RHOU: variants seen among roughly 807,000 people sequenced by gnomAD.
RHOU encodes the protein rho-related GTP-binding protein RhoU.
RHOU carries 8 observed loss-of-function variants against 12.6 expected under a neutral mutation model. The ratio of observed to expected loss-of-function variants is 0.64; its 90% CI spans 0.37 to 1.15. RHOU has a LOEUF of 1.15. Ranked by LOEUF, RHOU falls within the 50% of genes most tolerant of loss-of-function variation. The probability of loss-of-function intolerance (pLI) is 0.01; values close to 1 mark genes in which losing one functional copy is unlikely to be tolerated. For synonymous variants in RHOU, 161 were observed against 147.4 expected (o/e 1.09, Z -0.67); for missense variants, 258 against 347.0 (o/e 0.74, Z 2.04).
the RHOU span, among the ~76,000 whole-genome samples, chr1:228,711,957 T>C: frequency 7.3e-6 from 1 of 136,624 alleles, no homozygotes; most frequent in African/African-American, 2.8e-5. Context: ...TCAAACAAAT[T>C]TACAAGAAAA....
chr1:228,649,075 G>C, the RHOU span, among the ~76,000 whole-genome samples: 2 of 152,146 alleles, frequency 1.3e-5, no homozygotes, highest in Non-Finnish European at 2.9e-5. Flanking sequence ...ACGTTGGCCA[G>C]TCCTGTCTCA....
the RHOU span, among the ~76,000 whole-genome samples, chr1:228,674,336 T>C: frequency 1.3e-5 from 2 of 151,658 alleles, no homozygotes; most frequent in African/African-American, 4.9e-5. Context: ...TTTTCCTTAG[T>C]GTTTAGTACC....
chr1:228,713,715 G>A, the RHOU span, among the ~76,000 whole-genome samples: 1 of 152,108 alleles, frequency 6.6e-6, no homozygotes, highest in Non-Finnish European at 1.5e-5. Context: ...CCAAGGAGAG[G>A]TCATACGATG....
chr1:228,664,443 TTCTCAGAAACGTATTCTGAGAAAATAA>T, the RHOU span, among the ~76,000 whole-genome samples: 1 of 152,206 alleles, frequency 6.6e-6, no homozygotes, highest in Admixed American at 6.5e-5. Flanking sequence ...TGTACTCATT[TTCTCAGAAACGTATTCTGAGAAAATAA>T]TCTTTATGAA....
At chr1:228,715,662 G>A in the RHOU span, among the ~76,000 whole-genome samples, 10 of 151,988 alleles carry the variant, frequency 6.6e-5, no homozygotes, top group Admixed American at 3.9e-4. Flanking sequence ...AAGATGTACC[G>A]TATTGATTAT....
the RHOU span, among the ~76,000 whole-genome samples, chr1:228,678,739 G>A: frequency 6.6e-6 from 1 of 152,136 alleles, no homozygotes. Flanking sequence ...CTTGCTGAGA[G>A]GTAGTGGAGG....
the RHOU span, among the ~76,000 whole-genome samples, chr1:228,710,887 G>A: frequency 6.6e-6 from 1 of 151,618 alleles, no homozygotes; most frequent in Non-Finnish European, 1.5e-5. Context: ...GTTTGCAGAC[G>A]ACATGATTGT....
At chr1:228,714,399 T>C in the RHOU span, among the ~76,000 whole-genome samples, 242 of 152,314 alleles carry the variant, frequency 1.6e-3, 1 homozygote, top group African/African-American at 5.7e-3. Flanking sequence ...GAGATTACCT[T>C]ATCTTTGAAG....
At position 228,735,828 on chromosome 1, in the gene RHOU, G is replaced by C. The variant is rs1571887757; in HGVS notation, c.86G>C (p.Gly29Ala). 1.6e-6 allele frequency: 2 copies of C among 1,231,240 alleles called. No individual in the cohort carries two copies. Among genetic ancestry groups the C allele is most frequent in the Non-Finnish European group, 2.0e-6 (2 of 988,312 alleles). The allele number at this position is 1,231,240 out of a possible 1,614,324, so 76.3% of individuals were successfully genotyped here. ...CCGCGTCGGGAGCGCGGTGGACGCG[G>C]GGGACGCGGGCCTGGGGAGCCGGGG... is the stretch of plus-strand genomic sequence containing the variant. ...VPPRRERGGRGGRGPGEPGGR... is the reference protein window; with the variant it reads ...VPPRRERGGRAGRGPGEPGGR... Residue 29 changes from glycine (G) to alanine (A), a missense_variant, in exon 1 of 3, where the codon GGG becomes GCG. Transcript: ENST00000366691. The surrounding 1 kb of genome is among the most constrained non-coding windows in gnomAD (Gnocchi z 8.1).
At chr1:228,712,786 T>G in the RHOU span, among the ~76,000 whole-genome samples, 1 of 150,656 alleles carries the variant, frequency 6.6e-6, no homozygotes, top group Non-Finnish European at 1.5e-5. Flanking sequence ...ATTGTGCACA[T>G]GTACCCTAAA....
the RHOU span, among the ~76,000 whole-genome samples, chr1:228,693,160 T>G: frequency 1.6e-4 from 24 of 152,186 alleles, 1 homozygote; most frequent in African/African-American, 5.5e-4. Flanking sequence ...TAAATAAAGG[T>G]TTTTCAATAA....
chr1:228,673,948 A>G, the RHOU span, among the ~76,000 whole-genome samples: 84 of 152,294 alleles, frequency 5.5e-4, no homozygotes, highest in African/African-American at 1.9e-3. Context: ...GCTCTACTTT[A>G]GTAGATCCTT....
chr1:228,707,186 T>TATATATATATACATATATATATAC, the RHOU span, among the ~76,000 whole-genome samples: 1 of 104,550 alleles, frequency 9.6e-6, no homozygotes, highest in African/African-American at 4.7e-5. Flanking sequence ...TAACAAAATA[T>TATATATATATACATATATATATAC]ATATATATAC....
At chr1:228,684,600 C>T in the RHOU span, among the ~76,000 whole-genome samples, 1 of 152,174 alleles carries the variant, frequency 6.6e-6, no homozygotes, top group Non-Finnish European at 1.5e-5. Flanking sequence ...ATTGGGATTA[C>T]AGGCGTGATC....
the RHOU span, among the ~76,000 whole-genome samples, chr1:228,672,645 C>A: frequency 3.3e-4 from 50 of 152,174 alleles, no homozygotes; most frequent in Non-Finnish European, 1.3e-4. Context: ...AAGTTTAATA[C>A]TGCAGTAGTG....
Position 228,735,843 on chromosome 1 carries a change from G to T in RHOU, c.101G>T (p.Gly34Val). 2 of 1,309,024 alleles carry T rather than the reference G, an allele frequency of 1.5e-6. No homozygotes were observed. The highest frequency in any genetic ancestry group is 9.7e-7 in the Non-Finnish European group (1 of 1,032,116). The allele number at this position is 1,309,024 out of a possible 1,614,324, so 81.1% of individuals were successfully genotyped here. The part of the protein sequence containing the change: ...ERGGRGGRGP[G>V]EPGGRGRAGG... ...GGTGGACGCGGGGGACGCGGGCCTGGGGAGCCGGGGGGCCGGGGGCGTGCG... is the reference window on the plus strand; with the variant it reads ...GGTGGACGCGGGGGACGCGGGCCTGTGGAGCCGGGGGGCCGGGGGCGTGCG... The change falls in exon 1 of 3, where the codon GGG becomes GTG. Residue 34 changes from glycine (G) to valine (V), a missense_variant. By Grantham distance (109) the Gly-to-Val change is moderately radical (BLOSUM62 -3). Transcript: ENST00000366691. This position sits in a 1 kb window ranked among gnomAD's most constrained non-coding sequence, Gnocchi z 8.1.
the RHOU span, among the ~76,000 whole-genome samples, chr1:228,693,503 A>G: frequency 2.0e-5 from 3 of 152,088 alleles, no homozygotes; most frequent in African/African-American, 4.8e-5. Flanking sequence ...GTCTCCCGCT[A>G]TTGCCTAGGC....
chr1:228,733,424 C>T (rs774426558), upstream of RHOU, among the ~76,000 whole-genome samples: 1 of 152,222 alleles, frequency 6.6e-6, no homozygotes, highest in Non-Finnish European at 1.5e-5. Context: ...CCTCCTACCT[C>T]AGCCTCTGGA....
chr1:228,650,398 G>A, the RHOU span: 8 of 457,512 alleles, frequency 1.7e-5, no homozygotes, highest in Non-Finnish European at 3.5e-5. Flanking sequence ...ACTGGTGTGC[G>A]CCAGCCCGGG....
Sources: gnomAD v4.1 joint callset for allele counts (sites outside exome capture counted in the v4.1 genomes callset) on GRCh38, gnomAD v4.1.1 for gene constraint, Gnocchi (gnomAD v3.1) non-coding constraint, MANE v1.5 for transcripts, NCBI Gene and HGNC (gene_info 2026-07-23, HGNC 2026-07-21) for gene names.